Variants in HEMGN observed in about 807,000 individuals in gnomAD.
HEMGN encodes hemogen.
Under a neutral mutation model 45.7 loss-of-function variants are expected in HEMGN, and 32 were observed. That is an observed-to-expected ratio of 0.70 (90% CI 0.53 to 0.94). The LOEUF (loss-of-function observed/expected upper bound fraction) is 0.94. Ranked by LOEUF, HEMGN falls within the 40% of genes least tolerant of loss-of-function variation. The probability of loss-of-function intolerance (pLI) is 0.00; values close to 1 mark genes in which losing one functional copy is unlikely to be tolerated. For synonymous variants in HEMGN, 183 were observed against 178.6 expected, an observed-to-expected ratio of 1.02 and a Z score of -0.20; for missense variants, 530 against 564.2, an observed-to-expected ratio of 0.94 and a Z score of 0.61.
At chr9:97,937,967 T>C (rs1827091816) in intron 1 of HEMGN, 91 bp downstream of exon 1, 2 of 619,484 alleles carry the variant, frequency 3.2e-6, no homozygotes, top group South Asian at 4.8e-5. Context: ...TTCCTTTTTT[T>C]TTTTTTTTGG....
chr9:97,944,818 T>C (rs1827198620), exon 1 of HEMGN: 1 of 152,216 alleles, frequency 6.6e-6, no homozygotes, highest in Admixed American at 6.5e-5. Context: ...CCTATCTTCA[T>C]AACTTCTGGT....
rs1281880032 is a variant in HEMGN, at chr9:97,931,015, A to G, written c.380T>C (p.Val127Ala). 1 of 1,614,174 alleles carries G rather than the reference A, an allele frequency of 6.2e-7. No homozygotes were observed. The highest frequency in any genetic ancestry group is 1.1e-5 in the South Asian group (1 of 91,076). Residue 127 changes from valine to alanine, a missense_variant, in exon 3 of 4, where the codon GTT (valine) becomes GCT (alanine). Coordinates refer to ENST00000616898, the MANE Select transcript of HEMGN (RefSeq NM_197978.3). ...VFPSVASPQK[V>A]VPEEHFSEIC... ...TTCAGAAAAGTGTTCCTCAGGCACAACTTTTTGCGGGGAGGCTACTGAAGG... is the reference window on the plus strand; with the variant it reads ...TTCAGAAAAGTGTTCCTCAGGCACAGCTTTTTGCGGGGAGGCTACTGAAGG...
chr9:97,938,743 C>T (rs939124283), upstream of HEMGN, among the ~76,000 whole-genome samples: 3 of 152,082 alleles, frequency 2.0e-5, no homozygotes, highest in Non-Finnish European at 4.4e-5. Flanking sequence ...TAATCTGTTG[C>T]AAAATAATGT....
intron 3 of HEMGN, among the ~76,000 whole-genome samples, chr9:97,927,720 G>A (rs1473091531): frequency 6.6e-6 from 1 of 151,954 alleles, no homozygotes; most frequent in Non-Finnish European, 1.5e-5. Flanking sequence ...TACCTAAAAA[G>A]TAAAATTATA....
At chr9:97,937,960 CTTT>C (rs199724877) in intron 1 of HEMGN, 95 bp downstream of exon 1, 1,431 of 496,314 alleles carry the variant, frequency 2.9e-3, no homozygotes, top group South Asian at 4.2e-3. Flanking sequence ...CATTTATTTC[CTTT>C]TTTTTTTTTT....
rs778499186 is a variant in HEMGN at position 97,931,163 on chromosome 9, T to G, written c.232A>C (p.Arg78=). 7.4e-6 allele frequency: 12 copies of G among 1,612,192 alleles called. No homozygotes were observed. The highest frequency in any genetic ancestry group is 2.7e-5 in the African/African-American group (2 of 74,672). Residue 78 remains arginine (R), a synonymous_variant, in exon 3 of 4, where the codon AGA becomes CGA. Transcript: ENST00000616898. Reference sequence around the variant, plus strand: ...ACCTTCAATTCTGTGTTTTGTTGTCTCTTTCTGCCTCTTCGATTTCCTTTT... The same window carrying G: ...ACCTTCAATTCTGTGTTTTGTTGTCGCTTTCTGCCTCTTCGATTTCCTTTT... ...TGKGNRRGRK[R]QQNTELKVEP...
Position 97,927,287 on chromosome 9 carries a change from T to C in HEMGN, c.*97A>G, listed in dbSNP as rs986856454. 6.1e-5 allele frequency: 42 copies of C among 688,712 alleles called. No homozygotes were observed. Among genetic ancestry groups the C allele is most frequent in the Admixed American group, 2.0e-4 (8 of 40,750 alleles). The allele number at this position is 688,712 out of a possible 1,614,324, so 42.7% of individuals were successfully genotyped here. ...CTACAAATAGAAAAAATAATATTAATGAGCATTGTCAAAAGTTTTACAATA... is the reference window on the plus strand; with the variant it reads ...CTACAAATAGAAAAAATAATATTAACGAGCATTGTCAAAAGTTTTACAATA... On this transcript the variant is annotated 3_prime_UTR_variant, in exon 4 of 4. Coordinates refer to ENST00000616898, the MANE Select transcript of HEMGN (RefSeq NM_197978.3).
chr9:97,940,765 C>T (rs1284495172), upstream of HEMGN, among the ~76,000 whole-genome samples: 4 of 152,148 alleles, frequency 2.6e-5, no homozygotes, highest in Admixed American at 6.5e-5. Flanking sequence ...AGATACAGCT[C>T]CTGATTCACT....
upstream of HEMGN, among the ~76,000 whole-genome samples, chr9:97,939,848 C>G (rs1213223286): frequency 1.3e-5 from 2 of 152,186 alleles, no homozygotes; most frequent in Admixed American, 6.6e-5. Flanking sequence ...AAGTAAATCT[C>G]TGTATCTAAA....
intron 1 of HEMGN, among the ~76,000 whole-genome samples, chr9:97,937,166 T>C (rs1030984562): frequency 1.2e-4 from 19 of 152,222 alleles, no homozygotes; most frequent in Admixed American, 3.9e-4. Context: ...GTTCCTTCAA[T>C]TATGAATGTA....
Position 97,930,779 on chromosome 9 carries a change from G to T in HEMGN, c.616C>A (p.Gln206Lys). 1 of 1,614,042 alleles carries T rather than the reference G, an allele frequency of 6.2e-7. No homozygotes were observed. The highest frequency in any genetic ancestry group is 8.5e-7 in the Non-Finnish European group (1 of 1,179,948). ...TGGTCTTGAATTACAGATATTACTT[G>T]GCATGTGTTAGGAGAGTTGTCTTCA... is the stretch of plus-strand genomic sequence containing the variant. ...EPEDNSPNTCQVISVIQDHPF... is the reference protein window; with the variant it reads ...EPEDNSPNTCKVISVIQDHPF... The change falls in exon 3 of 4, where the codon CAA becomes AAA. Residue 206 changes from glutamine (Q) to lysine (K), a missense_variant. Transcript: ENST00000616898.
intron 3 of HEMGN, among the ~76,000 whole-genome samples, chr9:97,928,549 A>T (rs1271063706): frequency 6.6e-6 from 1 of 152,192 alleles, no homozygotes; most frequent in Non-Finnish European, 1.5e-5. Context: ...AATCAGACAA[A>T]CTTCAGCCTC....
At chr9:97,932,070 C>T (rs748531734) in intron 2 of HEMGN, among the ~76,000 whole-genome samples, 7 of 152,092 alleles carry the variant, frequency 4.6e-5, no homozygotes, top group Non-Finnish European at 7.4e-5. Flanking sequence ...TCATGCTACC[C>T]GCTCCATGGA....
chr9:97,928,325 C>A (rs932935663), intron 3 of HEMGN, among the ~76,000 whole-genome samples: 1 of 152,080 alleles, frequency 6.6e-6, no homozygotes. Context: ...CGCGCCCGGC[C>A]GATCAAGTGT....
chr9:97,927,213 T>C lies in HEMGN; in HGVS notation c.*171A>G. The C allele has an allele frequency of 2.0e-6, 1 of 493,590 alleles. No homozygotes were observed. 30.6% of individuals were successfully genotyped at this position (493,590 alleles called of 1,614,324 possible). On this transcript the variant is annotated 3_prime_UTR_variant, in exon 4 of 4. Coordinates refer to ENST00000616898, the MANE Select transcript of HEMGN (RefSeq NM_197978.3). Reference sequence around the variant, plus strand: ...CACACACACACATTCTAGCATGATATTGTCTATGTGGTAGAGCCTTAAAAA... The same window carrying C: ...CACACACACACATTCTAGCATGATACTGTCTATGTGGTAGAGCCTTAAAAA...
intron 2 of HEMGN, among the ~76,000 whole-genome samples, chr9:97,935,526 A>G (rs1436996373): frequency 6.6e-6 from 1 of 152,144 alleles, no homozygotes; most frequent in Non-Finnish European, 1.5e-5. Flanking sequence ...GCCAAGGTGG[A>G]GACACTTTGG....
At chr9:97,932,360 G>C (rs1564121778) in intron 2 of HEMGN, among the ~76,000 whole-genome samples, 1 of 151,950 alleles carries the variant, frequency 6.6e-6, no homozygotes, top group Non-Finnish European at 1.5e-5. Flanking sequence ...TTGTAAAAAA[G>C]TGTTTTTAAA....
chr9:97,934,301 T>C (rs1011739206), intron 2 of HEMGN, among the ~76,000 whole-genome samples: 1 of 151,748 alleles, frequency 6.6e-6, no homozygotes, highest in Non-Finnish European at 1.5e-5. Flanking sequence ...GAGCCGAGAT[T>C]GTGCCACTGC....
At chr9:97,933,039 G>A (rs1826986195) in intron 2 of HEMGN, among the ~76,000 whole-genome samples, 2 of 152,118 alleles carry the variant, frequency 1.3e-5, no homozygotes, top group African/African-American at 4.8e-5. Flanking sequence ...TAATGTAATA[G>A]TCCATGTCTT....
Sources: allele counts gnomAD v4.1 joint callset (sites outside exome capture counted in the v4.1 genomes callset), GRCh38; gene constraint gnomAD v4.1.1; transcripts MANE v1.5; gene names NCBI Gene and HGNC (gene_info 2026-07-23, HGNC 2026-07-21).